Variants in DNAH1 observed in about 807,000 individuals in gnomAD.
DNAH1 encodes axonemal beta dynein heavy chain 1.
DNAH1 carries 327 observed loss-of-function variants against 484.3 expected under a neutral mutation model. The observed-to-expected ratio is 0.68, with a 90% confidence interval of 0.62 to 0.74. The LOEUF (loss-of-function observed/expected upper bound fraction) is 0.74. Ranked by LOEUF, DNAH1 falls within the 30% of genes least tolerant of loss-of-function variation. The pLI is 0.00. For synonymous variants in DNAH1, 2,192 were observed against 2,191.9 expected (o/e 1.00, Z 0.00); for missense variants, 5,052 against 5,546.8 (o/e 0.91, Z 2.83).
In DNAH1 at chr3:52,368,837, C is replaced by T. The variant is rs758177085; in HGVS notation, c.5862C>T (p.Ile1954=). 3.0e-5 allele frequency: 48 copies of T among 1,613,846 alleles called. No individual in the cohort carries two copies. The highest frequency in any genetic ancestry group is 4.1e-5 in the Non-Finnish European group (48 of 1,179,902). The part of the protein sequence containing the change: ...WYMFDGPVDA[I]WIENMNTVLD... ...TGTTCGATGGGCCGGTGGATGCCAT[C>T]TGGATTGAGAACATGAACACGGTGC... is the stretch of plus-strand genomic sequence containing the variant. The change falls in exon 37 of 78, where the codon ATC becomes ATT. Residue 1954 remains isoleucine (I), a synonymous_variant. Coordinates refer to ENST00000420323, the MANE Select transcript of DNAH1 (RefSeq NM_015512.5). The surrounding 1 kb of genome is among the most constrained non-coding windows in gnomAD (Gnocchi z 4.4).
In DNAH1 at chr3:52,363,198, A is replaced by C. The variant is rs1702936333; in HGVS notation, c.5244+54A>C. ...GGTCTGAAAACTTCTGCCTGCTCCC[A>C]GCCTCCAGGGCACCTGCTGAGGGCC... On this transcript the variant is annotated intron_variant, in intron 32 of 77. Transcript: ENST00000420323. The C allele has an allele frequency of 7.5e-6, 12 of 1,600,094 alleles. No homozygotes were observed. In the South Asian group the frequency reaches 1.2e-4, roughly 16 times the overall value.
At chr3:52,317,798 G>A (rs1023758480) in intron 1 of DNAH1, 1 of 152,252 alleles carries the variant, frequency 6.6e-6, no homozygotes, top group African/African-American at 2.4e-5. Flanking sequence ...GTTCGCGGAC[G>A]GAAGCTCCCG....
chr3:52,347,087 A>G (rs888007621), intron 11 of DNAH1, among the ~76,000 whole-genome samples: 1 of 152,252 alleles, frequency 6.6e-6, no homozygotes, highest in African/African-American at 2.4e-5. Context: ...ACAGGCAGCA[A>G]GCAGATAAAT....
In DNAH1 at chr3:52,400,324, G is replaced by A; in HGVS notation, c.12677-1G>A. On this transcript the variant is annotated splice_acceptor_variant, in intron 77 of 77. Coordinates refer to ENST00000420323, the MANE Select transcript of DNAH1 (RefSeq NM_015512.5). LOFTEE classifies it high-confidence loss of function. ...CCCGTCCCCCTCCTTGCCCATTCCA[G>A]GAACACTATCAACCACAGGACACTC... 1.2e-6 allele frequency: 2 copies of A among 1,613,904 alleles called. No individual in the cohort carries two copies. Among genetic ancestry groups the A allele is most frequent in the Non-Finnish European group, 1.7e-6 (2 of 1,179,862 alleles).
intron 77 of DNAH1, among the ~76,000 whole-genome samples, chr3:52,400,017 C>T (rs1704838282): frequency 6.6e-6 from 1 of 152,236 alleles, no homozygotes; most frequent in Admixed American, 6.5e-5. Context: ...CCCCAAGAGC[C>T]TACAAGCCCC....
intron 20 of DNAH1, 92 bp from the exon 21 acceptor site, chr3:52,354,751 G>A: frequency 7.6e-7 from 1 of 1,308,284 alleles, no homozygotes; most frequent in Non-Finnish European, 1.1e-6. Flanking sequence ...GTCATGGCCA[G>A]GTACTGTCTG....
chr3:52,357,176 CA>C (rs548648565), intron 22 of DNAH1, among the ~76,000 whole-genome samples: 75 of 152,048 alleles, frequency 4.9e-4, no homozygotes, highest in African/African-American at 1.5e-3. Context: ...CTTAGCCTAC[CA>C]AGTAGCTGGG....
rs768977175 is a variant in DNAH1 at position 52,353,473 on chromosome 3, G to A, written c.3320G>A (p.Arg1107Gln). 12 of 1,613,810 alleles carry A rather than the reference G, an allele frequency of 7.4e-6. No individual in the cohort carries two copies. Among genetic ancestry groups the A allele is most frequent in the East Asian group, 2.2e-5 (1 of 44,898 alleles). Residue 1107 changes from arginine (R) to glutamine (Q), a missense_variant, in exon 20 of 78, where the codon CGG (arginine) becomes CAG (glutamine). This residue lies in a region of DNAH1 where 2,929 missense variants were observed against 3,409.4 expected (regional missense o/e 0.86). Transcript: ENST00000420323. The surrounding 1 kb of genome is among the most constrained non-coding windows in gnomAD (Gnocchi z 5.0). The part of the protein sequence containing the change: ...LIQGLRNPGM[R>Q]IRHWETLSNQ... ...CAGGGGCTGCGCAACCCTGGCATGCGGATCCGGCACTGGGAGACACTGTCC... is the reference window on the plus strand; with the variant it reads ...CAGGGGCTGCGCAACCCTGGCATGCAGATCCGGCACTGGGAGACACTGTCC...
At position 52,350,026 on chromosome 3, in the gene DNAH1, A is replaced by C. The variant is rs182519456; in HGVS notation, c.2564A>C (p.Tyr855Ser). Reference sequence around the variant, plus strand: ...TTCCGCAGCATCAGCCGCAAGATCTATGAGAAGCCCAACAGCATTGAGGAG... The same window carrying C: ...TTCCGCAGCATCAGCCGCAAGATCTCTGAGAAGCCCAACAGCATTGAGGAG... ...EEFRSISRKI[Y>S]EKPNSIEELA... The change falls in exon 15 of 78, where the codon TAT (tyrosine) becomes TCT (serine). Residue 855 changes from tyrosine to serine, a missense_variant. By Grantham distance (144) the Tyr-to-Ser change is moderately radical. This residue lies in a region of DNAH1 where 1,263 missense variants were observed against 1,218.8 expected (regional missense o/e 1.04). Transcript: ENST00000420323. 1 of 1,613,264 alleles carries C rather than the reference A, an allele frequency of 6.2e-7. No homozygotes were observed. The highest frequency in any genetic ancestry group is 8.5e-7 in the Non-Finnish European group (1 of 1,179,732).
At chr3:52,373,198 G>A in intron 44 of DNAH1, 145 bp downstream of exon 44, 1 of 1,069,442 alleles carries the variant, frequency 9.4e-7, no homozygotes, top group Non-Finnish European at 1.3e-6. Context: ...GAGGAGGGGG[G>A]CCGGCTGGGG....
Position 52,368,711 on chromosome 3 carries a change from T to C in DNAH1, c.5766-30T>C, listed in dbSNP as rs1703187200. On this transcript the variant is annotated intron_variant, in intron 36 of 77. Transcript: ENST00000420323. The surrounding 1 kb of genome is among the most constrained non-coding windows in gnomAD (Gnocchi z 4.4). ...TGCTCGAAGCACCGCCTCCCTGATG[T>C]TTCCAGCCCTCTCCTCCCTGGCGCT... 6.3e-7 allele frequency: 1 copy of C among 1,596,860 alleles called. No individual in the cohort carries two copies. The highest frequency in any genetic ancestry group is 8.6e-7 in the Non-Finnish European group (1 of 1,167,868).
chr3:52,314,508 C>G (rs1047011675), upstream of DNAH1, among the ~76,000 whole-genome samples: 1 of 152,130 alleles, frequency 6.6e-6, no homozygotes, highest in African/African-American at 2.4e-5. Context: ...AGGTGATGGC[C>G]CCGATGTGGG....
At chr3:52,376,571 C>A (rs1703613073) in intron 46 of DNAH1, among the ~76,000 whole-genome samples, 1 of 152,160 alleles carries the variant, frequency 6.6e-6, no homozygotes, top group Middle Eastern at 3.2e-3. Flanking sequence ...CAGCCTCCTC[C>A]TGGGCCTGCC....
intron 58 of DNAH1, 47 bp downstream of exon 58, chr3:52,388,656 C>A: frequency 6.2e-7 from 1 of 1,611,182 alleles, no homozygotes; most frequent in Non-Finnish European, 8.5e-7. Flanking sequence ...CCGGCCCAGA[C>A]AGGGGCCAGA....
chr3:52,320,964 C>T (rs1701126439), intron 1 of DNAH1, among the ~76,000 whole-genome samples: 1 of 151,582 alleles, frequency 6.6e-6, no homozygotes, highest in Admixed American at 6.6e-5. Flanking sequence ...CCACACCCAG[C>T]TAATTTTGTA....
rs113691512 is a variant in DNAH1 at position 52,337,255 on chromosome 3, C to T, written c.1286+4861C>T. Among the ~76,000 whole-genome samples, 31 of 152,168 alleles carry T rather than the reference C, an allele frequency of 2.0e-4. 1 individual carries two copies. The highest frequency in any genetic ancestry group is 3.4e-3 in the Middle Eastern group (1 of 294). On this transcript the variant is annotated intron_variant, in intron 8 of 77. Coordinates refer to ENST00000420323, the MANE Select transcript of DNAH1 (RefSeq NM_015512.5). ...AACATTATTGGTGTATGGAAATGCT[C>T]CTGATTTTTGTACATTGATTTTGTT...
intron 10 of DNAH1, 136 bp downstream of exon 10, chr3:52,345,842 A>T: frequency 1.1e-6 from 1 of 928,168 alleles, no homozygotes; most frequent in Non-Finnish European, 1.6e-6. Context: ...TTTTCTCAAA[A>T]CCTGGCCTCA....
chr3:52,397,945 C>T, intron 74 of DNAH1, 68 bp downstream of exon 74: 1 of 1,577,648 alleles, frequency 6.3e-7, no homozygotes, highest in Non-Finnish European at 8.6e-7. Flanking sequence ...GCCCACTCCC[C>T]TGTGGGAAGG....
At chr3:52,398,197 C>T (rs759658028) in intron 75 of DNAH1, 35 bp downstream of exon 75, 16 of 1,581,700 alleles carry the variant, frequency 1.0e-5, no homozygotes, top group South Asian at 4.6e-5. Context: ...CCCGAGTCAG[C>T]GGCCACTGGA....
Sources: gnomAD v4.1 joint callset for allele counts (sites outside exome capture counted in the v4.1 genomes callset) on GRCh38, gnomAD v4.1.1 for gene constraint, gnomAD v4.1.1 regional missense constraint, Gnocchi (gnomAD v3.1) non-coding constraint, MANE v1.5 for transcripts, NCBI Gene and HGNC (gene_info 2026-07-23, HGNC 2026-07-21) for gene names.